POLL: variants seen among roughly 807,000 people sequenced by gnomAD.
POLL encodes DNA polymerase lambda.
Under a neutral mutation model 58.1 loss-of-function variants are expected in POLL, and 44 were observed. The observed-to-expected ratio is 0.76, with a 90% CI of 0.60 to 0.97. POLL has a LOEUF of 0.97. POLL is among the 50% of genes least tolerant of loss of function. POLL has a pLI of 0.00. For synonymous variants in POLL, 290 were observed against 283.2 expected (o/e 1.02, Z -0.24); for missense variants, 632 against 736.8 (o/e 0.86, Z 1.65).
At position 101,578,956 on chromosome 10, in the gene POLL, C is replaced by T. The variant is rs1473732575; in HGVS notation, c.*497G>A. On this transcript the variant is annotated 3_prime_UTR_variant, in exon 9 of 9. Transcript: ENST00000370162. ...CTCACCAAGGCTGGGGCACCCCATT[C>T]CCAGCACCACCAGCTGCCCAGGAAG... The T allele has an allele frequency of 5.8e-6, 1 of 173,438 alleles. No homozygotes were observed. The highest frequency in any genetic ancestry group is 1.2e-5 in the Non-Finnish European group (1 of 80,176). The allele number at this position is 173,438 out of a possible 1,614,324, so 10.7% of individuals were successfully genotyped here.
chr10:101,580,274 C>A lies in POLL; in HGVS notation c.1337G>T (p.Arg446Leu). Residue 446 changes from arginine to leucine, a missense_variant, in exon 8 of 9, where the codon CGC becomes CTC. By Grantham distance (102) the Arg-to-Leu change is moderately radical. Transcript: ENST00000370162. This position sits in a 1 kb window ranked among gnomAD's most constrained non-coding sequence, Gnocchi z 4.1. ...TTCCTGCCGAAGACTGTCAAGGAGG[C>A]GGCTGAAGATACCCCGGTGGGACCG... ...DGRSHRGIFS[R>L]LLDSLRQEGF... 1 of 1,613,820 alleles carries A rather than the reference C, an allele frequency of 6.2e-7. No individual in the cohort carries two copies. Among genetic ancestry groups the A allele is most frequent in the Non-Finnish European group, 8.5e-7 (1 of 1,179,920 alleles).
Position 101,587,827 on chromosome 10 carries a change from A to T in POLL, c.-52T>A, listed in dbSNP as rs2063472621. On this transcript the variant is annotated 5_prime_UTR_variant, in exon 1 of 9. In the 5' UTR this introduces an upstream ATG that the reference lacks. Coordinates refer to ENST00000370162, the MANE Select transcript of POLL (RefSeq NM_001174084.2). ...CCCACATACTATTTCTCTACCTCCAACACAGACTCGCAGAGGAAGGAGGAG... is the reference window on the plus strand; with the variant it reads ...CCCACATACTATTTCTCTACCTCCATCACAGACTCGCAGAGGAAGGAGGAG... 1.2e-5 allele frequency: 14 copies of T among 1,191,086 alleles called. No homozygotes were observed. Among genetic ancestry groups the T allele is most frequent in the Admixed American group, 1.1e-4 (3 of 26,556 alleles). The allele number at this position is 1,191,086 out of a possible 1,614,324, so 73.8% of individuals were successfully genotyped here.
chr10:101,582,955 G>A (rs756340278), intron 6 of POLL, 64 bp from the exon 7 acceptor site: 15 of 1,600,588 alleles, frequency 9.4e-6, no homozygotes, highest in Middle Eastern at 1.7e-4. Context: ...GCATGAGTGA[G>A]CACACACACA....
At chr10:101,584,287 C>G (rs2063170396) in intron 5 of POLL, among the ~76,000 whole-genome samples, 1 of 151,900 alleles carries the variant, frequency 6.6e-6, no homozygotes, top group Admixed American at 6.6e-5. Context: ...CAAGACCAGC[C>G]TGGGTAACAC....
chr10:101,585,246 C>A (rs1361790399), intron 4 of POLL, 70 bp downstream of exon 4: 5 of 1,380,488 alleles, frequency 3.6e-6, no homozygotes, highest in Non-Finnish European at 3.9e-6. Flanking sequence ...TGAACAGCCA[C>A]CAGGCCCACC....
chr10:101,580,469 CCA>C lies in POLL; in HGVS notation c.1195-55_1195-54del. The C allele has an allele frequency of 6.4e-7, 1 of 1,553,454 alleles. No individual in the cohort carries two copies. Among genetic ancestry groups the C allele is most frequent in the Non-Finnish European group, 8.8e-7 (1 of 1,132,590 alleles). On this transcript the variant is annotated intron_variant, in intron 7 of 8. Transcript: ENST00000370162. This position sits in a 1 kb window ranked among gnomAD's most constrained non-coding sequence, Gnocchi z 4.1. ...GGGCTGTGCGTGGGGAGCTCCTCTCCCACAGCAGTACAAGGGCCTTCCCAGAC... is the reference window on the plus strand; with the variant it reads ...GGGCTGTGCGTGGGGAGCTCCTCTCCCAGCAGTACAAGGGCCTTCCCAGAC...
chr10:101,583,009 C>A, intron 6 of POLL, 118 bp from the exon 7 acceptor site: 1 of 1,235,606 alleles, frequency 8.1e-7, no homozygotes, highest in Admixed American at 1.9e-5. Context: ...AGAGGCAGGA[C>A]CAACCTAGGG....
In POLL at chr10:101,579,726, C is replaced by T. The variant is rs548098849; in HGVS notation, c.1455G>A (p.Arg485=). Residue 485 remains arginine, a synonymous_variant, in exon 9 of 9, where the codon CGG becomes CGA. Coordinates refer to ENST00000370162, the MANE Select transcript of POLL (RefSeq NM_001174084.2). The surrounding 1 kb of genome is among the most constrained non-coding windows in gnomAD (Gnocchi z 4.4). ...CCACGATGATGTCCAGGCGCCGGTG[C>T]CGCCGCCCTGGCCCTGGGAGCCGGC... ...GVCRLPGPGR[R]HRRLDIIVVP... The T allele has an allele frequency of 6.8e-6, 11 of 1,613,670 alleles. No individual in the cohort carries two copies. In the East Asian group the frequency reaches 2.0e-4, roughly 29 times the overall value.
intron 6 of POLL, 45 bp downstream of exon 6, chr10:101,583,463 C>G: frequency 6.2e-7 from 1 of 1,605,678 alleles, no homozygotes; most frequent in Non-Finnish European, 8.5e-7. Context: ...GGCAGGAACT[C>G]TGAGACACAG....
At chr10:101,585,277 C>T in intron 4 of POLL, 39 bp downstream of exon 4, 1 of 1,486,158 alleles carries the variant, frequency 6.7e-7, no homozygotes, top group Non-Finnish European at 9.0e-7. Context: ...GATCTGCTTC[C>T]TAGGGGAAGG....
chr10:101,588,222 C>G lies in POLL; in HGVS notation c.-447G>C, dbSNP rs766503249. 1.9e-5 allele frequency: 29 copies of G among 1,545,622 alleles called. No homozygotes were observed. Among genetic ancestry groups the G allele is most frequent in the Non-Finnish European group, 2.5e-5 (29 of 1,145,756 alleles). ...CACTTACCAGCAGAGCCAATGAGAG[C>G]GGACGAAGGGGGGAAGGAGGGCAAA... On this transcript the variant is annotated 5_prime_UTR_variant, in exon 1 of 9. Coordinates refer to ENST00000370162, the MANE Select transcript of POLL (RefSeq NM_001174084.2).
At chr10:101,587,570 C>CA in intron 1 of POLL, 164 bp from the exon 2 acceptor site, 5 of 1,321,094 alleles carry the variant, frequency 3.8e-6, no homozygotes, top group Non-Finnish European at 5.0e-6. Flanking sequence ...CCTAGCTTCA[C>CA]ACTCCCCAGC....
At chr10:101,587,661 C>A in intron 1 of POLL, 161 bp downstream of exon 1, 1 of 962,384 alleles carries the variant, frequency 1.0e-6, no homozygotes, top group Non-Finnish European at 1.4e-6. Flanking sequence ...GAAACGACAC[C>A]ATTCCTCAGA....
Position 101,579,598 on chromosome 10 carries a change from G to A in POLL, c.1583C>T (p.Ser528Leu). The A allele has an allele frequency of 6.2e-7, 1 of 1,614,034 alleles. No homozygotes were observed. ...CACAGCAGTGCTGAGGGCATGTTCT[G>A]ACAGACTCATGCCCTTGGTTTTGGC... ...ALAKTKGMSL[S>L]EHALSTAVVR... The change falls in exon 9 of 9, where the codon TCA becomes TTA. Residue 528 changes from serine (S) to leucine (L), a missense_variant. Physicochemically the swap from Ser to Leu is moderately radical, Grantham distance 145. Coordinates refer to ENST00000370162, the MANE Select transcript of POLL (RefSeq NM_001174084.2). The surrounding 1 kb of genome is among the most constrained non-coding windows in gnomAD (Gnocchi z 4.4).
At chr10:101,583,079 T>C (rs902139361) in intron 6 of POLL, 188 bp from the exon 7 acceptor site, 17 of 677,694 alleles carry the variant, frequency 2.5e-5, no homozygotes, top group Non-Finnish European at 3.8e-5. Flanking sequence ...AAACATGCCA[T>C]CATCCAGCCC....
chr10:101,585,828 A>G (rs2063295378), intron 3 of POLL, 34 bp downstream of exon 3: 1 of 1,490,088 alleles, frequency 6.7e-7, no homozygotes. Flanking sequence ...ATGCTACTAG[A>G]AAACATTTGA....
rs774130035 is a variant in POLL, at chr10:101,579,520, G to C, written c.1661C>G (p.Pro554Arg). The change falls in exon 9 of 9, where the codon CCC becomes CGC. Residue 554 changes from proline (P) to arginine (R), a missense_variant. Pro to Arg is a moderately radical substitution (Grantham distance 103). Coordinates refer to ENST00000370162, the MANE Select transcript of POLL (RefSeq NM_001174084.2). This position sits in a 1 kb window ranked among gnomAD's most constrained non-coding sequence, Gnocchi z 4.4. The part of the protein sequence containing the change: ...KVGPGRVLPT[P>R]TEKDVFRLLG... ...GAGCCTGAAGACATCCTTCTCAGTG[G>C]GAGTGGGCAGCACTCGGCCAGGCCC... 6.2e-7 allele frequency: 1 copy of C among 1,613,810 alleles called. No individual in the cohort carries two copies. The highest frequency in any genetic ancestry group is 1.1e-5 in the South Asian group (1 of 91,068).
chr10:101,587,043 G>T (rs1194814424), intron 2 of POLL: 2 of 1,063,392 alleles, frequency 1.9e-6, no homozygotes, highest in Non-Finnish European at 2.8e-6. Flanking sequence ...GAGGTCTTCG[G>T]GTAGAAAAGA....
rs371290173 is a variant in POLL, at chr10:101,583,667, G to A, written c.906C>T (p.Ile302=). 2.5e-5 allele frequency: 40 copies of A among 1,614,022 alleles called. No individual in the cohort carries two copies. The Admixed American group carries it at 2.8e-4, about 11-fold the overall frequency. ...CAGCCATCCGCTTCCCAATCCCAGGGATACTGCAGGCCTCCTAGAGGAGGA... is the reference window on the plus strand; with the variant it reads ...CAGCCATCCGCTTCCCAATCCCAGGAATACTGCAGGCCTCCTAGAGGAGGA... ...PVTSYQEACS[I]PGIGKRMAEK... The change falls in exon 6 of 9, where the codon ATC becomes ATT. Residue 302 remains isoleucine, a synonymous_variant. Transcript: ENST00000370162.
Sources: gnomAD v4.1 joint callset for allele counts (sites outside exome capture counted in the v4.1 genomes callset) on GRCh38, gnomAD v4.1.1 for gene constraint, Gnocchi (gnomAD v3.1) non-coding constraint, MANE v1.5 for transcripts, NCBI Gene and HGNC (gene_info 2026-07-23, HGNC 2026-07-21) for gene names.